SMAD1: variants seen among roughly 807,000 people sequenced by gnomAD.
The protein encoded by SMAD1 is SMAD family member 1.
SMAD1 carries 6 observed loss-of-function variants against 41.6 expected under a neutral mutation model. The ratio of observed to expected loss-of-function variants is 0.14; its 90% CI spans 0.08 to 0.28. The LOEUF (loss-of-function observed/expected upper bound fraction) is 0.28, where lower values mean the gene tolerates loss of function less well. SMAD1 is among the 10% of genes least tolerant of loss of function. The pLI is 1.00. For missense variants in SMAD1, 379 were observed against 582.6 expected, an observed-to-expected ratio of 0.65 and a Z score of 3.60; for synonymous variants, 206 against 203.2, an observed-to-expected ratio of 1.01 and a Z score of -0.12.
intron 2 of SMAD1, among the ~76,000 whole-genome samples, chr4:145,538,025 G>T (rs1731711142): frequency 6.6e-6 from 1 of 152,182 alleles, no homozygotes; most frequent in Non-Finnish European, 1.5e-5. Flanking sequence ...GCTGTCTGGT[G>T]CTGCATTTGT....
At chr4:145,528,411 GTATT>G (rs1731150889) in intron 2 of SMAD1, among the ~76,000 whole-genome samples, 1 of 151,460 alleles carries the variant, frequency 6.6e-6, no homozygotes, top group Non-Finnish European at 1.5e-5. Context: ...CCTAACTTTT[GTATT>G]TTTTAGTAGA....
chr4:145,484,702 C>A (rs1481248723), intron 1 of SMAD1: 1 of 152,188 alleles, frequency 6.6e-6, no homozygotes, highest in Non-Finnish European at 1.5e-5. Context: ...AGAGGAGAAA[C>A]AGATGCTTTA....
chr4:145,499,932 A>G (rs780597162), intron 1 of SMAD1, among the ~76,000 whole-genome samples: 46 of 152,192 alleles, frequency 3.0e-4, no homozygotes, highest in Admixed American at 5.2e-4. Context: ...TAAAAAAAGA[A>G]GAAAAAAATC....
intron 3 of SMAD1, among the ~76,000 whole-genome samples, chr4:145,542,236 A>G (rs1731987001): frequency 6.6e-6 from 1 of 152,266 alleles, no homozygotes; most frequent in African/African-American, 2.4e-5. Context: ...AGTGAAACTG[A>G]AATGCAGAGG....
chr4:145,542,705 C>T lies in SMAD1; in HGVS notation c.775+7C>T, dbSNP rs746858499. On this transcript the variant is annotated splice_region_variant and intron_variant, in intron 4 of 6. Coordinates refer to ENST00000302085, the MANE Select transcript of SMAD1 (RefSeq NM_005900.3). The stretch of plus-strand genomic sequence containing the variant: ...TCAGAAATCAACAGAGGAGGTAAAA[C>T]TAATTGCTGCCTGTTCCCTTTTTTA... The T allele has an allele frequency of 3.1e-5, 49 of 1,555,666 alleles. No individual in the cohort carries two copies. The Admixed American group carries it at 7.8e-4, about 25-fold the overall frequency.
intron 2 of SMAD1, among the ~76,000 whole-genome samples, chr4:145,533,477 G>C (rs11939179): frequency 0.013 from 1,935 of 152,276 alleles, 39 homozygotes; most frequent in African/African-American, 0.044. Context: ...CTTGAGACTA[G>C]GAGTTTGAGA....
chr4:145,511,871 A>C (rs756521256), intron 1 of SMAD1, among the ~76,000 whole-genome samples: 13 of 152,132 alleles, frequency 8.5e-5, no homozygotes, highest in Non-Finnish European at 1.6e-4. Flanking sequence ...CATTTCCTGC[A>C]GTTCTTTGCT....
chr4:145,558,817 T>C lies in SMAD1; in HGVS notation c.*883T>C, dbSNP rs2126571794. On this transcript the variant is annotated 3_prime_UTR_variant, in exon 7 of 7. Transcript: ENST00000302085. The stretch of plus-strand genomic sequence containing the variant: ...TCATGTAACTGTGAGAGCAAATGAA[T>C]AATTCCTGCTATTCTGAAATTGCCT... Among the ~76,000 whole-genome samples the C allele has an allele frequency of 6.6e-6, 1 of 152,206 alleles. No individual in the cohort carries two copies. Among genetic ancestry groups the C allele is most frequent in the East Asian group, 1.9e-4 (1 of 5,200 alleles).
At chr4:145,546,679 G>A in intron 4 of SMAD1, 24 bp from the exon 5 acceptor site, 1 of 1,565,066 alleles carries the variant, frequency 6.4e-7, no homozygotes, top group Non-Finnish European at 8.8e-7. Context: ...AACCTTGGTT[G>A]ATATAACATT....
At chr4:145,490,465 T>C (rs540592813) in intron 1 of SMAD1, among the ~76,000 whole-genome samples, 8 of 152,074 alleles carry the variant, frequency 5.3e-5, no homozygotes, top group Non-Finnish European at 1.2e-4. Context: ...TTCTAAACAA[T>C]TGGGGGGAAA....
chr4:145,495,153 C>A (rs1728996723), intron 1 of SMAD1, among the ~76,000 whole-genome samples: 1 of 152,118 alleles, frequency 6.6e-6, no homozygotes, highest in Non-Finnish European at 1.5e-5. Context: ...CAAATAGCTT[C>A]TAGTGGGTAG....
At chr4:145,483,170 C>T (rs976020283) in intron 1 of SMAD1, 2 of 152,158 alleles carry the variant, frequency 1.3e-5, no homozygotes, top group African/African-American at 4.8e-5. Flanking sequence ...GAGAAAGCAT[C>T]CTTTTCGTGA....
chr4:145,514,363 T>A lies in SMAD1; in HGVS notation c.-176-75T>A. Reference sequence around the variant, plus strand: ...ACATAAAAGCACTTAAAATAGTACCTAGCACATGGTGATTACTTAATAAAT... The same window carrying A: ...ACATAAAAGCACTTAAAATAGTACCAAGCACATGGTGATTACTTAATAAAT... On this transcript the variant is annotated intron_variant, in intron 1 of 6. Transcript: ENST00000302085. The surrounding 1 kb of genome is among the most constrained non-coding windows in gnomAD (Gnocchi z 4.7). 1 of 423,458 alleles carries A rather than the reference T, an allele frequency of 2.4e-6. No individual in the cohort carries two copies. Among genetic ancestry groups the A allele is most frequent in the South Asian group, 5.2e-5 (1 of 19,274 alleles). The allele number at this position is 423,458 out of a possible 1,614,324, so 26.2% of individuals were successfully genotyped here.
chr4:145,545,850 A>G (rs1560761218), intron 4 of SMAD1: 1 of 152,216 alleles, frequency 6.6e-6, no homozygotes, highest in East Asian at 1.9e-4. Context: ...TACAGAAGGA[A>G]TTCATCTTTA....
At chr4:145,513,634 G>T (rs114403216) in intron 1 of SMAD1, among the ~76,000 whole-genome samples, 3,707 of 152,206 alleles carry the variant, frequency 0.024, 143 homozygotes, top group African/African-American at 0.083. Flanking sequence ...ATTTATATAA[G>T]AGGAATTTTC....
At chr4:145,493,236 C>T (rs1728871359) in intron 1 of SMAD1, among the ~76,000 whole-genome samples, 1 of 152,050 alleles carries the variant, frequency 6.6e-6, no homozygotes, top group Admixed American at 6.6e-5. Context: ...AGAGAAATGC[C>T]AGGAAAATCG....
chr4:145,548,980 G>A (rs1052684680), intron 5 of SMAD1, among the ~76,000 whole-genome samples: 3 of 152,160 alleles, frequency 2.0e-5, no homozygotes, highest in Non-Finnish European at 4.4e-5. Flanking sequence ...ACCTACGCAG[G>A]ATTCCAGCTG....
At chr4:145,480,917 ATTTTTT>A (rs5862738), upstream of SMAD1, among the ~76,000 whole-genome samples, 567 of 128,724 alleles carry the variant, frequency 4.4e-3, 3 homozygotes, top group African/African-American at 0.016. Context: ...GCTGGGAGTG[ATTTTTT>A]TTTTTTTTTT....
intron 2 of SMAD1, among the ~76,000 whole-genome samples, chr4:145,525,479 T>A (rs1382823553): frequency 6.6e-6 from 1 of 152,226 alleles, no homozygotes; most frequent in African/African-American, 2.4e-5. Context: ...CTAAGAGGGC[T>A]TGCAGAATAG....
Sources: allele counts gnomAD v4.1 joint callset (sites outside exome capture counted in the v4.1 genomes callset), GRCh38; gene constraint gnomAD v4.1.1; non-coding constraint Gnocchi (gnomAD v3.1); transcripts MANE v1.5; gene names NCBI Gene and HGNC (gene_info 2026-07-23, HGNC 2026-07-21).